Variants in TNS3 observed in about 807,000 individuals in gnomAD.
TNS3 encodes tensin 3.
A neutral mutation model predicts 140.9 loss-of-function variants in TNS3; 45 were observed. That is an observed-to-expected ratio of 0.32 (90% confidence interval 0.25 to 0.41). TNS3 has a LOEUF of 0.41. Ranked by LOEUF, TNS3 falls within the 10% of genes least tolerant of loss-of-function variation. TNS3 has a pLI of 1.00. For synonymous variants in TNS3, 815 were observed against 788.4 expected, an observed-to-expected ratio of 1.03 and a Z score of -0.56; for missense variants, 1,716 against 1,906.7, an observed-to-expected ratio of 0.90 and a Z score of 1.86.
At chr7:47,339,403 T>C (rs771807051) in intron 20 of TNS3, among the ~76,000 whole-genome samples, 6 of 152,226 alleles carry the variant, frequency 3.9e-5, no homozygotes, top group Non-Finnish European at 7.3e-5. Context: ...GTTCATTGTT[T>C]TGCCTGTGGG....
chr7:47,500,532 C>A (rs531332596), intron 3 of TNS3, among the ~76,000 whole-genome samples: 2 of 152,174 alleles, frequency 1.3e-5, no homozygotes, highest in African/African-American at 4.8e-5. Context: ...CTAAAGCACT[C>A]GGCAGGGTCC....
intron 4 of TNS3, among the ~76,000 whole-genome samples, chr7:47,469,407 G>A (rs985604254): frequency 6.6e-6 from 1 of 152,304 alleles, no homozygotes; most frequent in East Asian, 1.9e-4. Context: ...AACATCAGAC[G>A]TCGGCTAGGC....
At chr7:47,582,415 G>A (rs1199637756), upstream of TNS3, 2 of 456,572 alleles carry the variant, frequency 4.4e-6, no homozygotes, top group Non-Finnish European at 4.4e-6. Context: ...CGCCGGGCCG[G>A]TGTTAGAGTA....
rs181826252 is a variant in TNS3 at position 47,326,341 on chromosome 7, G to C, written c.2650+18414C>G. 3.6e-4 allele frequency among the ~76,000 whole-genome samples: 55 copies of C among 152,296 alleles called. 1 individual carries two copies. Among genetic ancestry groups the C allele is most frequent in the African/African-American group, 1.3e-3 (52 of 41,556 alleles). On this transcript the variant is annotated intron_variant, in intron 20 of 30. Coordinates refer to ENST00000311160, the MANE Select transcript of TNS3 (RefSeq NM_022748.12). Reference sequence around the variant, plus strand: ...TTATTCAAAGGAAGCCAACTCATCTGTTGGACTCAGAAAACTATGTTCTTT... The same window carrying C: ...TTATTCAAAGGAAGCCAACTCATCTCTTGGACTCAGAAAACTATGTTCTTT...
At chr7:47,503,204 T>A (rs1798291741) in intron 3 of TNS3, among the ~76,000 whole-genome samples, 1 of 152,072 alleles carries the variant, frequency 6.6e-6, no homozygotes, top group Non-Finnish European at 1.5e-5. Flanking sequence ...CTACACAAAG[T>A]GCAACTCTAA....
intron 3 of TNS3, among the ~76,000 whole-genome samples, chr7:47,489,227 G>C (rs1482545302): frequency 6.6e-6 from 1 of 152,186 alleles, no homozygotes; most frequent in Non-Finnish European, 1.5e-5. Flanking sequence ...GAGCGGAAGA[G>C]AAAGAGAAGG....
At chr7:47,292,748 A>C in intron 26 of TNS3, 80 bp downstream of exon 26, 9 of 1,234,988 alleles carry the variant, frequency 7.3e-6, no homozygotes, top group Non-Finnish European at 9.3e-6. Context: ...TTCTCAGTGG[A>C]TCTTCATGGA....
intron 20 of TNS3, among the ~76,000 whole-genome samples, chr7:47,314,929 A>C (rs1787308643): frequency 6.6e-6 from 1 of 152,192 alleles, no homozygotes. Flanking sequence ...TGGTCCCTCA[A>C]AGCAACTACA....
rs114717854 is a variant in TNS3 at position 47,545,935 on chromosome 7, C to G, written c.-264-16788G>C. Among the ~76,000 whole-genome samples, 1,113 of 152,302 alleles carry G rather than the reference C, an allele frequency of 7.3e-3. 15 individuals carry two copies. Among genetic ancestry groups the G allele is most frequent in the African/African-American group, 0.026 (1,064 of 41,558 alleles). On this transcript the variant is annotated intron_variant, in intron 1 of 30. Coordinates refer to ENST00000311160, the MANE Select transcript of TNS3 (RefSeq NM_022748.12). ...CTTACACCACAGTCAGGGGACTCCACAGTCTTGGGGGAACCCTAGGCAGTG... is the reference window on the plus strand; with the variant it reads ...CTTACACCACAGTCAGGGGACTCCAGAGTCTTGGGGGAACCCTAGGCAGTG...
intron 20 of TNS3, among the ~76,000 whole-genome samples, chr7:47,305,621 C>A (rs1424297596): frequency 6.6e-6 from 1 of 152,258 alleles, no homozygotes; most frequent in Non-Finnish European, 1.5e-5. Flanking sequence ...AAAGGCCACA[C>A]CGTGGGGTGC....
chr7:47,283,632 A>G, intron 28 of TNS3, 65 bp downstream of exon 28: 2 of 1,431,972 alleles, frequency 1.4e-6, no homozygotes, highest in Non-Finnish European at 1.8e-6. Flanking sequence ...ACACTAGGGA[A>G]GAACAAGAGG....
rs565320504 is a variant in TNS3 at position 47,287,387 on chromosome 7, T to A, written c.3929-3522A>T. 2.0e-5 allele frequency among the ~76,000 whole-genome samples: 3 copies of A among 152,318 alleles called. No homozygotes were observed. In the South Asian group the frequency reaches 6.2e-4, roughly 32 times the overall value. ...ATCTTTGTGAGTTGTCTGCTAATATTTCTGAGTTTCAGCTTCCTGAATCTT... is the reference window on the plus strand; with the variant it reads ...ATCTTTGTGAGTTGTCTGCTAATATATCTGAGTTTCAGCTTCCTGAATCTT... On this transcript the variant is annotated intron_variant, in intron 27 of 30. Transcript: ENST00000311160.
chr7:47,448,676 C>T (rs1249032213), intron 4 of TNS3, among the ~76,000 whole-genome samples: 1 of 152,156 alleles, frequency 6.6e-6, no homozygotes, highest in Non-Finnish European at 1.5e-5. Flanking sequence ...GACAGGGCTT[C>T]ACCATGTTGG....
intron 4 of TNS3, among the ~76,000 whole-genome samples, chr7:47,446,405 A>G (rs996428157): frequency 1.3e-5 from 2 of 152,274 alleles, no homozygotes; most frequent in Admixed American, 6.5e-5. Flanking sequence ...GCCAATGTCA[A>G]TCAAATCCAA....
chr7:47,515,345 G>A (rs957159836), intron 2 of TNS3, among the ~76,000 whole-genome samples: 2 of 151,992 alleles, frequency 1.3e-5, no homozygotes, highest in Non-Finnish European at 2.9e-5. Context: ...GTATCATCAC[G>A]ATCAGCATCA....
chr7:47,322,597 AC>A (rs1234681175), intron 20 of TNS3, among the ~76,000 whole-genome samples: 1 of 152,040 alleles, frequency 6.6e-6, no homozygotes, highest in Non-Finnish European at 1.5e-5. Context: ...TAACAAACAT[AC>A]CCTAGGAATG....
chr7:47,292,446 G>C (rs1785761804), intron 26 of TNS3, among the ~76,000 whole-genome samples: 1 of 152,154 alleles, frequency 6.6e-6, no homozygotes. Context: ...AAAGTAAAAA[G>C]AACAGTGCAT....
At position 47,442,099 on chromosome 7, in the gene TNS3, G is replaced by A. The variant is rs1458648283; in HGVS notation, c.-75-44C>T. ...GGGTCATTTTGAAGTTTCCTTTCCTGCCAGTCTACATGACACAGACACCAC... is the reference window on the plus strand; with the variant it reads ...GGGTCATTTTGAAGTTTCCTTTCCTACCAGTCTACATGACACAGACACCAC... On this transcript the variant is annotated intron_variant, in intron 4 of 30. Transcript: ENST00000311160. 2.5e-6 allele frequency: 3 copies of A among 1,215,190 alleles called. No individual in the cohort carries two copies. The African/African-American group carries it at 4.7e-5, about 19-fold the overall frequency. The allele number at this position is 1,215,190 out of a possible 1,614,324, so 75.3% of individuals were successfully genotyped here.
At chr7:47,400,687 A>C (rs1793104346) in intron 14 of TNS3, 98 bp downstream of exon 14, 1 of 1,537,834 alleles carries the variant, frequency 6.5e-7, no homozygotes, top group Middle Eastern at 1.9e-4. Context: ...CAGTAGGCTG[A>C]ATTTTGGAAA....
Sources: allele counts gnomAD v4.1 joint callset (sites outside exome capture counted in the v4.1 genomes callset), GRCh38; gene constraint gnomAD v4.1.1; transcripts MANE v1.5; gene names NCBI Gene and HGNC (gene_info 2026-07-23, HGNC 2026-07-21).